IFNAR1: variants seen among roughly 807,000 people sequenced by gnomAD.
The protein encoded by IFNAR1 is interferon alpha/beta receptor 1.
A neutral mutation model predicts 62.1 loss-of-function variants in IFNAR1; 47 were observed. That is an observed-to-expected ratio of 0.76 (90% CI 0.60 to 0.97). The LOEUF is 0.97. Ranked by LOEUF, IFNAR1 falls within the 50% of genes least tolerant of loss-of-function variation. IFNAR1 has a pLI of 0.00. For missense variants in IFNAR1, 638 were observed against 654.5 expected (o/e 0.97, Z 0.27); for synonymous variants, 219 against 226.9 (o/e 0.97, Z 0.31).
At chr21:33,325,180 G>A (rs953365314) in intron 1 of IFNAR1, 49 bp downstream of exon 1, 1 of 1,499,464 alleles carries the variant, frequency 6.7e-7, no homozygotes, top group Non-Finnish European at 9.2e-7. Context: ...GGTAGGGCAC[G>A]CAGCTGGGCT....
chr21:33,358,286 G>A lies in IFNAR1; in HGVS notation c.*2737G>A, dbSNP rs553257105. Reference sequence around the variant, plus strand: ...TTGCTTTATCAGTATATGCTTAGCTGTAAGTGACAAGTATTTTTTCTGAAC... The same window carrying A: ...TTGCTTTATCAGTATATGCTTAGCTATAAGTGACAAGTATTTTTTCTGAAC... On this transcript the variant is annotated 3_prime_UTR_variant, in exon 11 of 11. Coordinates refer to ENST00000270139, the MANE Select transcript of IFNAR1 (RefSeq NM_000629.3). The A allele has an allele frequency of 3.9e-5, 6 of 152,292 alleles. No homozygotes were observed. In the South Asian group the frequency reaches 6.2e-4, roughly 16 times the overall value. The allele number at this position is 152,292 out of a possible 1,614,324, so 9.4% of individuals were successfully genotyped here. A position where few individuals can be genotyped will look rare whatever the true frequency, so the allele number is the denominator to read the frequency against.
rs576221159 is a variant in IFNAR1 at position 33,356,248 on chromosome 21, C to T, written c.*699C>T. 1 of 152,354 alleles carries T rather than the reference C, an allele frequency of 6.6e-6. No individual in the cohort carries two copies. Among genetic ancestry groups the T allele is most frequent in the South Asian group, 2.1e-4 (1 of 4,830 alleles). The allele number at this position is 152,354 out of a possible 1,614,324, so 9.4% of individuals were successfully genotyped here. A position where few individuals can be genotyped will look rare whatever the true frequency, so the allele number is the denominator to read the frequency against. ...GCTGCTGGCTACTGCATGTGCCACA[C>T]CTGTCTGTTCGCCATTCCTAACATT... is the stretch of plus-strand genomic sequence containing the variant. On this transcript the variant is annotated 3_prime_UTR_variant, in exon 11 of 11. Transcript: ENST00000270139.
intron 3 of IFNAR1, among the ~76,000 whole-genome samples, chr21:33,342,844 G>A (rs572386975): frequency 5.3e-5 from 8 of 151,974 alleles, no homozygotes; most frequent in African/African-American, 1.4e-4. Flanking sequence ...GCGACAGAGC[G>A]AGACTCCGTC....
Position 33,353,776 on chromosome 21 carries a change from T to C in IFNAR1, c.1433T>C (p.Ile478Thr). Residue 478 changes from isoleucine to threonine, a missense_variant, in exon 10 of 11, where the codon ATA (isoleucine) becomes ACA (threonine). Transcript: ENST00000270139. ...FFPSLKPSSS[I>T]DEYFSEQPLK... Reference sequence around the variant, plus strand: ...CCATCACTTAAACCTTCTTCCAGTATAGATGAGGTATGTTACTTTTTTTAT... The same window carrying C: ...CCATCACTTAAACCTTCTTCCAGTACAGATGAGGTATGTTACTTTTTTTAT... The C allele has an allele frequency of 6.4e-7, 1 of 1,563,326 alleles. No homozygotes were observed.
chr21:33,325,916 G>A (rs1381859461), intron 1 of IFNAR1, among the ~76,000 whole-genome samples: 2 of 152,284 alleles, frequency 1.3e-5, no homozygotes, highest in South Asian at 2.1e-4. Context: ...GGTCAGTGTG[G>A]AAGGCCTGAA....
At chr21:33,340,465 C>T (rs1409521185) in intron 2 of IFNAR1, among the ~76,000 whole-genome samples, 1 of 151,838 alleles carries the variant, frequency 6.6e-6, no homozygotes, top group African/African-American at 2.4e-5. Context: ...CTCAAATGAC[C>T]CTCTCACCTC....
In IFNAR1 at chr21:33,344,748, G is replaced by A. The variant is rs1044212512; in HGVS notation, c.674-498G>A. On this transcript the variant is annotated intron_variant, in intron 5 of 10. Transcript: ENST00000270139. The stretch of plus-strand genomic sequence containing the variant: ...CTTCATTTGATCTTAGCCATCTATT[G>A]CATTCTTTCTTTTTTACTTATTTAT... Among the ~76,000 whole-genome samples the A allele has an allele frequency of 2.3e-5, 3 of 130,408 alleles. No individual in the cohort carries two copies. The Admixed American group carries it at 2.3e-4, about 10-fold the overall frequency. 85.6% of individuals were successfully genotyped at this position (130,408 alleles called of 152,430 possible). A position where few individuals can be genotyped will look rare whatever the true frequency, so the allele number is the denominator to read the frequency against.
At chr21:33,353,581 A>C (rs2083418169) in intron 9 of IFNAR1, 57 bp from the exon 10 acceptor site, 1 of 946,138 alleles carries the variant, frequency 1.1e-6, no homozygotes, top group African/African-American at 1.7e-5. Flanking sequence ...AGCTGTCAGC[A>C]CTGTTAAGGC....
intron 9 of IFNAR1, 93 bp downstream of exon 9, chr21:33,353,001 T>C (rs1181153692): frequency 5.0e-6 from 4 of 801,422 alleles, no homozygotes; most frequent in Non-Finnish European, 7.3e-6. Flanking sequence ...ACATTTTCTC[T>C]TTACTGCAAA....
intron 9 of IFNAR1, among the ~76,000 whole-genome samples, 176 bp downstream of exon 9, chr21:33,353,084 C>T (rs2834198): frequency 0.028 from 4,279 of 152,208 alleles, 213 homozygotes; most frequent in African/African-American, 0.097. Flanking sequence ...ATATTTGTAA[C>T]GCTTAACTCT....
rs1401924087 is a variant in IFNAR1, at chr21:33,359,851, A to G, written c.*4302A>G. The G allele has an allele frequency of 2.0e-5, 3 of 152,148 alleles. No individual in the cohort carries two copies. The highest frequency in any genetic ancestry group is 4.4e-5 in the Non-Finnish European group (3 of 68,020). 9.4% of individuals were successfully genotyped at this position (152,148 alleles called of 1,614,324 possible). ...CCCTGGTACTTAGTAATAACAAAAT[A>G]CCAGTAACTTCCAGTTGTTTCTCAC... On this transcript the variant is annotated 3_prime_UTR_variant, in exon 11 of 11. Transcript: ENST00000270139.
At position 33,358,543 on chromosome 21, in the gene IFNAR1, A is replaced by C. The variant is rs556770379; in HGVS notation, c.*2994A>C. Reference sequence around the variant, plus strand: ...CCTGTAAACATATATTCATATATGTACCTGCACATGTACCCACCTGATGTA... The same window carrying C: ...CCTGTAAACATATATTCATATATGTCCCTGCACATGTACCCACCTGATGTA... On this transcript the variant is annotated 3_prime_UTR_variant, in exon 11 of 11. Transcript: ENST00000270139. The C allele has an allele frequency of 5.9e-5, 9 of 152,200 alleles. No individual in the cohort carries two copies. The East Asian group carries it at 1.7e-3, about 29-fold the overall frequency. 9.4% of individuals were successfully genotyped at this position (152,200 alleles called of 1,614,324 possible).
intron 5 of IFNAR1, 62 bp downstream of exon 5, chr21:33,343,738 C>A: frequency 8.6e-7 from 1 of 1,168,154 alleles, no homozygotes; most frequent in Non-Finnish European, 1.2e-6. Flanking sequence ...ATTTTGGCAT[C>A]TTCCCCATAT....
intron 1 of IFNAR1, among the ~76,000 whole-genome samples, chr21:33,327,591 T>TA (rs2083138458): frequency 6.6e-6 from 1 of 152,230 alleles, no homozygotes; most frequent in Non-Finnish European, 1.5e-5. Flanking sequence ...CCAAACAATT[T>TA]AAATTCCTGA....
intron 1 of IFNAR1, chr21:33,334,961 T>C: frequency 1.9e-6 from 3 of 1,579,622 alleles, no homozygotes; most frequent in Non-Finnish European, 2.6e-6. Flanking sequence ...ACAGCTGCTG[T>C]TGTTACTACC....
chr21:33,329,499 C>T (rs531848888), intron 1 of IFNAR1, among the ~76,000 whole-genome samples: 60 of 152,088 alleles, frequency 3.9e-4, no homozygotes, highest in African/African-American at 1.4e-3. Flanking sequence ...TCTCAGCTGT[C>T]TCCCCTTTTG....
At chr21:33,334,776 A>G (rs763783239) in intron 1 of IFNAR1, 11 of 790,966 alleles carry the variant, frequency 1.4e-5, no homozygotes, top group Non-Finnish European at 2.3e-5. Context: ...GTCCAGACTG[A>G]GGGCACTGGT....
chr21:33,346,162 G>T (rs1156585389), intron 6 of IFNAR1, among the ~76,000 whole-genome samples: 3 of 152,208 alleles, frequency 2.0e-5, no homozygotes, highest in Non-Finnish European at 4.4e-5. Flanking sequence ...TTGGAAAATT[G>T]TAGGAGATGA....
chr21:33,330,558 A>G (rs772010259), intron 1 of IFNAR1, among the ~76,000 whole-genome samples: 15 of 152,136 alleles, frequency 9.9e-5, no homozygotes, highest in Non-Finnish European at 2.2e-4. Flanking sequence ...CACACACACA[A>G]TGTAGTCTGG....
Sources: gnomAD v4.1 joint callset for allele counts (sites outside exome capture counted in the v4.1 genomes callset) on GRCh38, gnomAD v4.1.1 for gene constraint, MANE v1.5 for transcripts, NCBI Gene and HGNC (gene_info 2026-07-23, HGNC 2026-07-21) for gene names.